Variants in RNFT2 observed in about 807,000 individuals in gnomAD.
RNFT2 encodes ring finger protein, transmembrane 2.
Under a neutral mutation model 53.0 loss-of-function variants are expected in RNFT2, and 36 were observed. The ratio of observed to expected loss-of-function variants is 0.68; its 90% confidence interval spans 0.52 to 0.90. The LOEUF (loss-of-function observed/expected upper bound fraction) is 0.90. RNFT2 is among the 40% of genes least tolerant of loss of function. The probability of loss-of-function intolerance (pLI) is 0.00; values close to 1 mark genes in which losing one functional copy is unlikely to be tolerated. For synonymous variants in RNFT2, 260 were observed against 253.2 expected (o/e 1.03, Z -0.26); for missense variants, 514 against 585.6 (o/e 0.88, Z 1.26).
intron 10 of RNFT2, among the ~76,000 whole-genome samples, chr12:116,838,581 A>C (rs577393020): frequency 1.6e-4 from 24 of 152,224 alleles, no homozygotes; most frequent in Admixed American, 1.5e-3. Context: ...GAGCTTTGCC[A>C]ATCTGACAGG....
rs1873576703 is a variant in RNFT2, at chr12:116,779,193, A to T, written c.729-2A>T. 1 of 1,613,840 alleles carries T rather than the reference A, an allele frequency of 6.2e-7. No homozygotes were observed. The highest frequency in any genetic ancestry group is 1.7e-5 in the Admixed American group (1 of 59,996). Reference sequence around the variant, plus strand: ...TTCTGACTCTCTCAATCCTCCCCCCAGCCTCATATTCCTGAAGCCCAACCT... The same window carrying T: ...TTCTGACTCTCTCAATCCTCCCCCCTGCCTCATATTCCTGAAGCCCAACCT... On this transcript the variant is annotated splice_acceptor_variant, in intron 6 of 10. Transcript: ENST00000257575. LOFTEE classifies it high-confidence loss of function.
At chr12:116,813,904 G>A (rs965294062) in intron 7 of RNFT2, among the ~76,000 whole-genome samples, 5 of 152,246 alleles carry the variant, frequency 3.3e-5, no homozygotes, top group South Asian at 4.2e-4. Context: ...GTGTTCTTCC[G>A]TATATAATGG....
chr12:116,791,169 T>A (rs1330501973), intron 7 of RNFT2, among the ~76,000 whole-genome samples: 5 of 152,194 alleles, frequency 3.3e-5, no homozygotes, highest in Non-Finnish European at 7.3e-5. Context: ...GCCAATCTGC[T>A]TTTCATCTCT....
intron 7 of RNFT2, among the ~76,000 whole-genome samples, chr12:116,826,667 T>A (rs959961821): frequency 8.5e-5 from 13 of 152,182 alleles, no homozygotes; most frequent in Admixed American, 5.9e-4. Flanking sequence ...TGCTGTGACA[T>A]CAGTGCTTGC....
rs192753408 is a variant in RNFT2, at chr12:116,740,415, C to T, written c.-83C>T. 2.8e-3 allele frequency: 3,909 copies of T among 1,399,488 alleles called. 27 individuals are homozygous for T. Among genetic ancestry groups the T allele is most frequent in the Non-Finnish European group, 2.8e-3 (2,778 of 1,009,288 alleles). The allele number at this position is 1,399,488 out of a possible 1,614,324, so 86.7% of individuals were successfully genotyped here. On this transcript the variant is annotated 5_prime_UTR_variant, in exon 2 of 11. Transcript: ENST00000257575. The stretch of plus-strand genomic sequence containing the variant: ...GACGAAGAGGAGGGGGAGGCCTGTC[C>T]TCTCTGGGATCCATTGGTCACATCC...
intron 8 of RNFT2, among the ~76,000 whole-genome samples, 156 bp from the exon 9 acceptor site, chr12:116,835,804 A>T (rs1565874224): frequency 6.6e-6 from 1 of 152,206 alleles, no homozygotes; most frequent in African/African-American, 2.4e-5. Flanking sequence ...GCCATGCAAC[A>T]CTGTTGGGAA....
intron 7 of RNFT2, among the ~76,000 whole-genome samples, chr12:116,821,387 T>C (rs1440624257): frequency 1.3e-5 from 2 of 152,162 alleles, no homozygotes. Flanking sequence ...AGCACGGGCC[T>C]CAGCTCATTA....
At chr12:116,777,704 G>T (rs529010720) in intron 6 of RNFT2, among the ~76,000 whole-genome samples, 3 of 152,168 alleles carry the variant, frequency 2.0e-5, no homozygotes, top group Non-Finnish European at 4.4e-5. Flanking sequence ...CTGCACCGCA[G>T]GGTCTGTAAT....
At chr12:116,753,004 A>C (rs897159562) in intron 4 of RNFT2, among the ~76,000 whole-genome samples, 1 of 152,158 alleles carries the variant, frequency 6.6e-6, no homozygotes, top group Non-Finnish European at 1.5e-5. Flanking sequence ...TGGCAATGAA[A>C]TGACTGGTGG....
chr12:116,756,054 T>C (rs139021369), intron 5 of RNFT2, among the ~76,000 whole-genome samples: 2,954 of 152,330 alleles, frequency 0.019, 45 homozygotes, highest in Middle Eastern at 0.058. Flanking sequence ...TGGGCTCTTT[T>C]CTGGTTCCAT....
At chr12:116,786,352 C>T (rs142349408) in intron 7 of RNFT2, among the ~76,000 whole-genome samples, 4 of 151,950 alleles carry the variant, frequency 2.6e-5, no homozygotes, top group African/African-American at 7.3e-5. Context: ...TTCAGGTGAT[C>T]CACCCACCTC....
At chr12:116,841,958 T>TATAAATATATATATAAATATATATAG (rs1274083737) in intron 10 of RNFT2, among the ~76,000 whole-genome samples, 5 of 6,374 alleles carry the variant, frequency 7.8e-4, no homozygotes, top group East Asian at 6.5e-3. Context: ...AATATATATA[T>TATAAATATATATATAAATATATATAG]AGAGAGAGAG....
At chr12:116,781,636 G>C (rs1200517338) in intron 7 of RNFT2, among the ~76,000 whole-genome samples, 2 of 152,014 alleles carry the variant, frequency 1.3e-5, no homozygotes, top group Admixed American at 6.6e-5. Context: ...CGCATCTCCT[G>C]ATTCTCGCCC....
At chr12:116,815,768 G>A (rs947970830) in intron 7 of RNFT2, among the ~76,000 whole-genome samples, 3 of 152,140 alleles carry the variant, frequency 2.0e-5, no homozygotes, top group Non-Finnish European at 2.9e-5. Flanking sequence ...TGGGGCGGGG[G>A]CATTATTCAG....
intron 2 of RNFT2, 153 bp from the exon 3 acceptor site, chr12:116,740,883 C>T: frequency 1.5e-6 from 1 of 679,898 alleles, no homozygotes; most frequent in Middle Eastern, 2.7e-4. Flanking sequence ...GATGGAATGG[C>T]ATGAAAGATT....
chr12:116,745,872 T>C (rs1871868740), intron 3 of RNFT2, among the ~76,000 whole-genome samples: 1 of 152,124 alleles, frequency 6.6e-6, no homozygotes, highest in Non-Finnish European at 1.5e-5. Flanking sequence ...AAGGTTATGG[T>C]CTTTGACCTT....
rs748056141 is a variant in RNFT2 at position 116,741,106 on chromosome 12, T to G, written c.83+12T>G. 8.1e-6 allele frequency: 13 copies of G among 1,604,294 alleles called. No homozygotes were observed. Among genetic ancestry groups the G allele is most frequent in the Non-Finnish European group, 1.0e-5 (12 of 1,175,222 alleles). Reference sequence around the variant, plus strand: ...ATTCCACCTGAAAGGTAGGCATCCCTGCTTCTGTTCCATCTGAGGGCTCTA... The same window carrying G: ...ATTCCACCTGAAAGGTAGGCATCCCGGCTTCTGTTCCATCTGAGGGCTCTA... On this transcript the variant is annotated intron_variant, in intron 3 of 10. Transcript: ENST00000257575.
Position 116,851,833 on chromosome 12 carries a change from C to A in RNFT2, c.*2385C>A, listed in dbSNP as rs1310528144. 1 of 1,325,866 alleles carries A rather than the reference C, an allele frequency of 7.5e-7. No homozygotes were observed. Among genetic ancestry groups the A allele is most frequent in the Non-Finnish European group, 1.0e-6 (1 of 954,704 alleles). The allele number at this position is 1,325,866 out of a possible 1,614,324, so 82.1% of individuals were successfully genotyped here. A position where few individuals can be genotyped will look rare whatever the true frequency, so the allele number is the denominator to read the frequency against. On this transcript the variant is annotated 3_prime_UTR_variant, in exon 11 of 11. Transcript: ENST00000257575. ...GTCAGCTTTGGCCCAGATGTGGTTA[C>A]CCCTTGGTCTCCTGTCTTTATGTCT...
At chr12:116,749,216 C>T (rs554736611) in intron 3 of RNFT2, among the ~76,000 whole-genome samples, 1 of 151,860 alleles carries the variant, frequency 6.6e-6, no homozygotes, top group South Asian at 2.1e-4. Context: ...TGTGGACAGC[C>T]GTCTTCTCCC....
Sources: allele counts gnomAD v4.1 joint callset (sites outside exome capture counted in the v4.1 genomes callset), GRCh38; gene constraint gnomAD v4.1.1; transcripts MANE v1.5; gene names NCBI Gene and HGNC (gene_info 2026-07-23, HGNC 2026-07-21).